The following FER variants were observed in gnomAD, a reference collection of about 807,000 sequenced individuals.
The protein encoded by FER is tyrosine-protein kinase Fer.
Under a neutral mutation model 111.0 loss-of-function variants are expected in FER, and 63 were observed. The ratio of observed to expected loss-of-function variants is 0.57; its 90% CI spans 0.46 to 0.70. The LOEUF is 0.70. Among genes scored for constraint, FER ranks in the 30% least tolerant of loss-of-function variants. The pLI, the probability that FER is intolerant of heterozygous loss-of-function variation, is 0.00. For missense variants in FER, 914 were observed against 954.0 expected (o/e 0.96, Z 0.55); for synonymous variants, 327 against 313.9 (o/e 1.04, Z -0.44).
chr5:108,785,229 C>A (rs551240839), intron 2 of FER: 2 of 601,988 alleles, frequency 3.3e-6, no homozygotes, highest in African/African-American at 3.8e-5. Context: ...CTCTGTGCAT[C>A]TGGAGGCAAG....
intron 17 of FER, among the ~76,000 whole-genome samples, chr5:109,154,187 T>C (rs1024611441): frequency 1.4e-4 from 21 of 151,952 alleles, no homozygotes; most frequent in African/African-American, 5.1e-4. Flanking sequence ...TGTTTTGACA[T>C]TATACTTCTT....
chr5:109,004,716 T>A (rs1765268570), intron 13 of FER, among the ~76,000 whole-genome samples: 1 of 152,204 alleles, frequency 6.6e-6, no homozygotes, highest in Non-Finnish European at 1.5e-5. Flanking sequence ...TAGTGTTTTC[T>A]ATTATAATGT....
rs576280113 is a variant in FER, at chr5:109,192,862, T to C, written c.*5287T>C. On this transcript the variant is annotated 3_prime_UTR_variant, in exon 20 of 20. Transcript: ENST00000281092. ...ATACAAGTAGCAATGTTCCTTGTCT[T>C]CAATAACATTTGAGGGAAAGGAATC... 6.6e-6 allele frequency: 1 copy of C among 152,236 alleles called. No individual in the cohort carries two copies. Among genetic ancestry groups the C allele is most frequent in the South Asian group, 2.1e-4 (1 of 4,808 alleles). 9.4% of individuals were successfully genotyped at this position (152,236 alleles called of 1,614,324 possible).
In FER at chr5:109,077,661, T is replaced by C. The variant is rs116349131; in HGVS notation, c.1925-22735T>C. On this transcript the variant is annotated intron_variant, in intron 16 of 19. Coordinates refer to ENST00000281092, the MANE Select transcript of FER (RefSeq NM_005246.4). Reference sequence around the variant, plus strand: ...CTTGAGACCATCCATCAGGGCAATATTCCTTGTTTCCTGCCCTGTTGACTT... The same window carrying C: ...CTTGAGACCATCCATCAGGGCAATACTCCTTGTTTCCTGCCCTGTTGACTT... 9.9e-3 allele frequency among the ~76,000 whole-genome samples: 1,503 copies of C among 152,298 alleles called. 20 individuals are homozygous for C. The highest frequency in any genetic ancestry group is 0.034 in the African/African-American group (1,427 of 41,558).
intron 12 of FER, among the ~76,000 whole-genome samples, chr5:108,955,169 A>C (rs1341461167): frequency 6.6e-6 from 1 of 151,848 alleles, no homozygotes; most frequent in Non-Finnish European, 1.5e-5. Flanking sequence ...ATCAAAGTAT[A>C]TAGCTATTTA....
intron 4 of FER, among the ~76,000 whole-genome samples, chr5:108,835,193 C>CG (rs1045894873): frequency 8.0e-6 from 1 of 124,376 alleles, no homozygotes; most frequent in Non-Finnish European, 1.7e-5. Context: ...CACCCCCCCC[C>CG]CCCCACTTTT....
At chr5:109,025,331 A>G (rs930493566) in intron 13 of FER, among the ~76,000 whole-genome samples, 98 of 152,176 alleles carry the variant, frequency 6.4e-4, no homozygotes, top group African/African-American at 2.2e-3. Context: ...GAAGAGGTCC[A>G]TCACGTCCCT....
intron 1 of FER, among the ~76,000 whole-genome samples, chr5:108,759,415 C>T (rs922689242): frequency 7.9e-5 from 12 of 152,236 alleles, no homozygotes; most frequent in African/African-American, 2.4e-4. Flanking sequence ...ATCTTCAGAA[C>T]TGTTATAGCT....
chr5:108,828,865 C>T (rs902204058), intron 3 of FER, among the ~76,000 whole-genome samples: 13 of 152,096 alleles, frequency 8.5e-5, no homozygotes, highest in Middle Eastern at 3.4e-3. Flanking sequence ...TTTGGGAGAC[C>T]GGCAGGATGA....
intron 2 of FER, among the ~76,000 whole-genome samples, chr5:108,777,080 G>A (rs1051404423): frequency 6.6e-6 from 1 of 152,178 alleles, no homozygotes; most frequent in South Asian, 2.1e-4. Context: ...GGGAGGCCAG[G>A]GTGGGAGGAT....
chr5:108,896,180 G>A (rs1007274307), intron 9 of FER, among the ~76,000 whole-genome samples: 1 of 150,882 alleles, frequency 6.6e-6, no homozygotes, highest in Non-Finnish European at 1.5e-5. Context: ...TTTCTTGGTA[G>A]CTAGGAGATG....
rs547373533 is a variant in FER at position 109,057,277 on chromosome 5, G to A, written c.1924+10079G>A. Among the ~76,000 whole-genome samples the A allele has an allele frequency of 8.5e-5, 13 of 152,238 alleles. No homozygotes were observed. In the East Asian group the frequency reaches 2.3e-3, roughly 27 times the overall value. On this transcript the variant is annotated intron_variant, in intron 16 of 19. Coordinates refer to ENST00000281092, the MANE Select transcript of FER (RefSeq NM_005246.4). ...TAAGTAGAAGAAAAGAAACAATATA[G>A]ATAGCAGCAGAAATCAATGGAATGG...
rs1000399054 is a variant in FER, at chr5:108,819,242, T to G, written c.208-13528T>G. 6.6e-5 allele frequency among the ~76,000 whole-genome samples: 10 copies of G among 151,656 alleles called. No homozygotes were observed. In the East Asian group the frequency reaches 1.9e-3, roughly 29 times the overall value. ...CTGACTCTTTTGCCCACGCTCGTCT[T>G]GAACTTTTGGGCTCAAGTGATCCTC... On this transcript the variant is annotated intron_variant, in intron 3 of 19. Transcript: ENST00000281092.
chr5:108,992,417 A>G (rs867132611), intron 13 of FER, among the ~76,000 whole-genome samples: 7 of 151,780 alleles, frequency 4.6e-5, no homozygotes, highest in East Asian at 3.9e-4. Flanking sequence ...GGTGGTGGCC[A>G]GGCAGAGGGG....
At chr5:109,106,371 A>G (rs939428549) in intron 17 of FER, among the ~76,000 whole-genome samples, 115 of 152,058 alleles carry the variant, frequency 7.6e-4, no homozygotes, top group African/African-American at 2.5e-3. Flanking sequence ...ATTTTTATAT[A>G]CTGTTGTTTA....
chr5:108,796,296 A>G (rs1756011385), intron 2 of FER, among the ~76,000 whole-genome samples: 1 of 152,196 alleles, frequency 6.6e-6, no homozygotes, highest in South Asian at 2.1e-4. Flanking sequence ...TGTTGCTACC[A>G]GTACTGGAAT....
chr5:109,135,622 C>G (rs540303170), intron 17 of FER, among the ~76,000 whole-genome samples: 1 of 152,220 alleles, frequency 6.6e-6, no homozygotes, highest in South Asian at 2.1e-4. Context: ...GGGCAATAGA[C>G]TATAGCCTCC....
chr5:109,156,820 C>G (rs1755447895), intron 17 of FER, among the ~76,000 whole-genome samples: 1 of 151,958 alleles, frequency 6.6e-6, no homozygotes, highest in South Asian at 2.1e-4. Context: ...CACAACGAAG[C>G]TAGAGCAGTT....
rs116732716 is a variant in FER at position 109,181,131 on chromosome 5, T to G, written c.2203+230T>G. ...ATATAAGTACTTTTAAATATGACTA[T>G]ACATCTGAGAAAGAGTTTTTATACC... On this transcript the variant is annotated intron_variant, in intron 18 of 19. Coordinates refer to ENST00000281092, the MANE Select transcript of FER (RefSeq NM_005246.4). 6.7e-3 allele frequency among the ~76,000 whole-genome samples: 1,025 copies of G among 152,312 alleles called. 6 individuals carry two copies. The highest frequency in any genetic ancestry group is 0.031 in the Middle Eastern group (9 of 294).
Sources: allele counts gnomAD v4.1 joint callset (sites outside exome capture counted in the v4.1 genomes callset), GRCh38; gene constraint gnomAD v4.1.1; transcripts MANE v1.5; gene names NCBI Gene and HGNC (gene_info 2026-07-23, HGNC 2026-07-21).